DSCAM: variants seen among roughly 807,000 people sequenced by gnomAD.
DSCAM encodes the protein cell adhesion molecule DSCAM.
In DSCAM, 47 loss-of-function variants were observed where a neutral mutation model predicts 217.7. That is an observed-to-expected ratio of 0.22 (90% confidence interval 0.17 to 0.28). DSCAM has a LOEUF of 0.28. Among genes scored for constraint, DSCAM ranks in the 10% least tolerant of loss-of-function variants. The pLI is 1.00. For missense variants in DSCAM, 2,080 were observed against 2,618.3 expected (o/e 0.79, Z 4.49); for synonymous variants, 1,056 against 1,015.3 (o/e 1.04, Z -0.76).
chr21:40,196,239 G>A (rs1364652589), intron 11 of DSCAM, among the ~76,000 whole-genome samples: 2 of 152,122 alleles, frequency 1.3e-5, no homozygotes, highest in African/African-American at 4.8e-5. Context: ...TGAGGAAGGG[G>A]CCTGGGAGCA....
chr21:40,382,653 A>C (rs575100464), intron 3 of DSCAM, among the ~76,000 whole-genome samples: 5 of 152,312 alleles, frequency 3.3e-5, no homozygotes, highest in African/African-American at 1.2e-4. Context: ...ACCATGTCAG[A>C]TGCGGTCCCT....
intron 2 of DSCAM, among the ~76,000 whole-genome samples, chr21:40,705,691 T>C (rs1214402014): frequency 1.3e-5 from 2 of 152,174 alleles, no homozygotes; most frequent in South Asian, 4.1e-4. Flanking sequence ...TACCCCATGA[T>C]TCAATGACCT....
chr21:40,312,744 C>T (rs1220789193), intron 8 of DSCAM, among the ~76,000 whole-genome samples: 1 of 152,180 alleles, frequency 6.6e-6, no homozygotes, highest in Non-Finnish European at 1.5e-5. Context: ...GACTATGACA[C>T]TACAATTACT....
Position 40,093,625 on chromosome 21 carries a change from A to AT in DSCAM, c.3850+95dup. ...AAAATGTGATATTCTGGTTTATTTGATTTTTAGGAAAGTGTAAGTTTTATT... is the reference window on the plus strand; with the variant it reads ...AAAATGTGATATTCTGGTTTATTTGATTTTTTAGGAAAGTGTAAGTTTTATT... On this transcript the variant is annotated intron_variant, in intron 21 of 32. Coordinates refer to ENST00000400454, the MANE Select transcript of DSCAM (RefSeq NM_001389.5). The AT allele has an allele frequency of 2.1e-6, 3 of 1,430,362 alleles. No individual in the cohort carries two copies. In the South Asian group the frequency reaches 3.7e-5, roughly 18 times the overall value. The allele number at this position is 1,430,362 out of a possible 1,614,324, so 88.6% of individuals were successfully genotyped here.
Position 40,756,232 on chromosome 21 carries a change from C to T in DSCAM, c.44-47461G>A, listed in dbSNP as rs145252518. Reference sequence around the variant, plus strand: ...TGGCACCTCCCCCCTCTCTTCCTCCCGCTCTGGCCATAGGAGCTGCCTGCT... The same window carrying T: ...TGGCACCTCCCCCCTCTCTTCCTCCTGCTCTGGCCATAGGAGCTGCCTGCT... On this transcript the variant is annotated intron_variant, in intron 1 of 32. Transcript: ENST00000400454. Among the ~76,000 whole-genome samples, 1,067 of 152,236 alleles carry T rather than the reference C, an allele frequency of 7.0e-3. 15 individuals carry two copies. The highest frequency in any genetic ancestry group is 0.025 in the African/African-American group (1,018 of 41,540).
chr21:40,248,720 T>G (rs935210592), intron 11 of DSCAM, among the ~76,000 whole-genome samples: 1 of 152,200 alleles, frequency 6.6e-6, no homozygotes, highest in Admixed American at 6.5e-5. Flanking sequence ...CAAAGTTGCT[T>G]CCATATTTTC....
intron 11 of DSCAM, among the ~76,000 whole-genome samples, chr21:40,245,245 A>G (rs2073208270): frequency 6.6e-6 from 1 of 152,204 alleles, no homozygotes; most frequent in Non-Finnish European, 1.5e-5. Context: ...AAAGCTGTGC[A>G]TTTGGTCTGG....
At chr21:40,471,946 T>C (rs1977531) in intron 3 of DSCAM, among the ~76,000 whole-genome samples, 11,074 of 152,092 alleles carry the variant, frequency 0.073, 782 homozygotes, top group African/African-American at 0.18. Context: ...CTCCCCGTTC[T>C]CCCCATCCCA....
intron 11 of DSCAM, among the ~76,000 whole-genome samples, chr21:40,209,466 C>T (rs1020942949): frequency 1.3e-5 from 2 of 152,176 alleles, no homozygotes; most frequent in African/African-American, 4.8e-5. Context: ...CCTGCTTGGG[C>T]TGTCTCGATT....
At chr21:40,231,158 A>G (rs1369263166) in intron 11 of DSCAM, among the ~76,000 whole-genome samples, 3 of 141,450 alleles carry the variant, frequency 2.1e-5, no homozygotes, top group African/African-American at 5.3e-5. Context: ...TTCCGTGGAG[A>G]GTAGACCTTT....
intron 28 of DSCAM, among the ~76,000 whole-genome samples, chr21:40,061,414 C>G (rs1415817988): frequency 6.6e-6 from 1 of 151,776 alleles, no homozygotes; most frequent in East Asian, 1.9e-4. Context: ...ACTAAAAATA[C>G]AAAAATCAGC....
intron 20 of DSCAM, among the ~76,000 whole-genome samples, chr21:40,099,928 G>A (rs187037540): frequency 6.6e-6 from 1 of 152,300 alleles, no homozygotes; most frequent in Admixed American, 6.5e-5. Context: ...TGGTAAGTGA[G>A]CCACACCTGA....
intron 16 of DSCAM, among the ~76,000 whole-genome samples, chr21:40,149,880 A>G (rs1002316597): frequency 6.6e-6 from 1 of 150,880 alleles, no homozygotes; most frequent in African/African-American, 2.5e-5. Flanking sequence ...CAGTGCCAAC[A>G]TCACTATAAC....
intron 1 of DSCAM, among the ~76,000 whole-genome samples, chr21:40,730,485 G>A (rs1273936651): frequency 5.3e-5 from 8 of 152,208 alleles, no homozygotes; most frequent in Admixed American, 5.2e-4. Flanking sequence ...TGAAGACCGT[G>A]CCAGTCACAG....
chr21:40,758,228 G>A (rs1030432275), intron 1 of DSCAM, among the ~76,000 whole-genome samples: 2 of 152,130 alleles, frequency 1.3e-5, no homozygotes, highest in African/African-American at 4.8e-5. Flanking sequence ...CTGGCCTCTA[G>A]AACTATGGCA....
chr21:40,498,781 G>GTGTATATA (rs1195806087), intron 3 of DSCAM, among the ~76,000 whole-genome samples: 1 of 26,026 alleles, frequency 3.8e-5, no homozygotes, highest in Non-Finnish European at 6.8e-5. Flanking sequence ...ATATGGGTGT[G>GTGTATATA]TATATATATA....
chr21:40,477,535 C>T (rs2075947771), intron 3 of DSCAM, among the ~76,000 whole-genome samples: 2 of 152,132 alleles, frequency 1.3e-5, no homozygotes, highest in Admixed American at 1.3e-4. Flanking sequence ...TATGTACTTA[C>T]ATCCTTTCCA....
At chr21:40,842,288 G>C (rs1232763698) in intron 1 of DSCAM, among the ~76,000 whole-genome samples, 1 of 152,214 alleles carries the variant, frequency 6.6e-6, no homozygotes, top group African/African-American at 2.4e-5. Flanking sequence ...CACACCCCTG[G>C]GTGCCTGCCC....
intron 18 of DSCAM, among the ~76,000 whole-genome samples, chr21:40,140,295 T>C (rs953850803): frequency 1.3e-5 from 2 of 152,208 alleles, no homozygotes; most frequent in Admixed American, 1.3e-4. Flanking sequence ...TTTAATCCCA[T>C]GAGTGAAAGT....
Sources: gnomAD v4.1 joint callset for allele counts (sites outside exome capture counted in the v4.1 genomes callset) on GRCh38, gnomAD v4.1.1 for gene constraint, MANE v1.5 for transcripts, NCBI Gene and HGNC (gene_info 2026-07-23, HGNC 2026-07-21) for gene names.